PSME4: variants seen among roughly 807,000 people sequenced by gnomAD.
The protein encoded by PSME4 is proteasome activator complex subunit 4.
PSME4 carries 89 observed loss-of-function variants against 253.9 expected under a neutral mutation model. That is an observed-to-expected ratio of 0.35 (90% CI 0.30 to 0.42). The LOEUF (loss-of-function observed/expected upper bound fraction) is 0.42. Among genes scored for constraint, PSME4 ranks in the 10% least tolerant of loss-of-function variants. The pLI is 1.00. For missense variants in PSME4, 2,014 were observed against 2,195.2 expected (o/e 0.92, Z 1.65); for synonymous variants, 851 against 759.2 (o/e 1.12, Z -1.99).
intron 36 of PSME4, among the ~76,000 whole-genome samples, chr2:53,890,889 T>C (rs564347634): frequency 6.6e-6 from 1 of 152,202 alleles, no homozygotes; most frequent in Admixed American, 6.5e-5. Context: ...TAGCTGAGCG[T>C]AGTGGCACAT....
intron 14 of PSME4, among the ~76,000 whole-genome samples, chr2:53,923,913 CAAAAAAAAAAAAAAAAAA>C (rs199929436): frequency 0.33 from 32,422 of 98,116 alleles, 4,104 homozygotes; most frequent in South Asian, 0.39. Context: ...ACAGAGTTAA[CAAAAAAAAAAAAAAAAAA>C]AAAAAAAAAA....
At chr2:53,953,528 G>A (rs1670097412) in intron 1 of PSME4, among the ~76,000 whole-genome samples, 2 of 147,918 alleles carry the variant, frequency 1.4e-5, no homozygotes, top group African/African-American at 2.5e-5. Context: ...AACTATGCAG[G>A]GTAACTTTTA....
chr2:53,909,896 G>A (rs1667753414), intron 21 of PSME4, among the ~76,000 whole-genome samples, 179 bp downstream of exon 21: 1 of 152,118 alleles, frequency 6.6e-6, no homozygotes, highest in Non-Finnish European at 1.5e-5. Flanking sequence ...TGGGAGGCAG[G>A]GAGGCAGGGG....
At chr2:53,874,152 G>T (rs1293157044) in intron 43 of PSME4, among the ~76,000 whole-genome samples, 187 bp downstream of exon 43, 1 of 152,148 alleles carries the variant, frequency 6.6e-6, no homozygotes, top group African/African-American at 2.4e-5. Context: ...TGTAGAGACA[G>T]TCTTGCTACG....
chr2:53,960,609 CTG>C (rs1670446126), intron 1 of PSME4, among the ~76,000 whole-genome samples: 2 of 152,208 alleles, frequency 1.3e-5, no homozygotes, highest in Admixed American at 6.5e-5. Flanking sequence ...TTCTACAACT[CTG>C]TTAAGAACTC....
chr2:53,966,920 G>T (rs113972818), intron 1 of PSME4, among the ~76,000 whole-genome samples: 1 of 152,014 alleles, frequency 6.6e-6, no homozygotes, highest in Admixed American at 6.5e-5. Flanking sequence ...GGCTGGTCTC[G>T]AACTCCTGAC....
In PSME4 at chr2:53,866,142, C is replaced by A. The variant is rs749539500; in HGVS notation, c.5479G>T (p.Asp1827Tyr). 1.2e-6 allele frequency: 2 copies of A among 1,613,196 alleles called. No individual in the cohort carries two copies. Among genetic ancestry groups the A allele is most frequent in the East Asian group, 2.2e-5 (1 of 44,864 alleles). ...WQEHKQQFTD[D>Y]QLLVLTDLLV... ...AGATCGGTGAGAACAAGCAGTTGGT[C>A]ATCAGTGAATTGCTGTTTATGTTCC... Residue 1827 changes from aspartate (D) to tyrosine (Y), a missense_variant, in exon 46 of 47, where the codon GAC (aspartate) becomes TAC (tyrosine). Around this residue, in one of 4 missense-constraint regions of PSME4, gnomAD observed 403 missense variants for 556.1 expected, o/e 0.72. Transcript: ENST00000404125.
At chr2:53,963,009 CAAA>C (rs34743937) in intron 1 of PSME4, among the ~76,000 whole-genome samples, 10 of 94,898 alleles carry the variant, frequency 1.1e-4, no homozygotes, top group Admixed American at 1.2e-4. Flanking sequence ...GACTCAGTGT[CAAA>C]AAAAAAAAAA....
chr2:53,887,186 G>T (rs1573217166), intron 40 of PSME4, 73 bp downstream of exon 40: 1 of 1,331,398 alleles, frequency 7.5e-7, no homozygotes, highest in Non-Finnish European at 1.1e-6. Context: ...AATAAAAAAA[G>T]TGGTGCAAAA....
chr2:53,947,781 C>T (rs984165852), intron 3 of PSME4, among the ~76,000 whole-genome samples: 1 of 151,844 alleles, frequency 6.6e-6, no homozygotes, highest in African/African-American at 2.4e-5. Flanking sequence ...TTTGGGAGGC[C>T]AAGGCAGGCA....
At chr2:53,887,601 GTAA>G in intron 39 of PSME4, 134 bp from the exon 40 acceptor site, 1 of 927,934 alleles carries the variant, frequency 1.1e-6, no homozygotes, top group African/African-American at 1.7e-5. Flanking sequence ...ATGCCTGTGT[GTAA>G]AAGAAGCCTT....
chr2:53,965,874 A>G (rs1482166629), intron 1 of PSME4, among the ~76,000 whole-genome samples: 1 of 151,686 alleles, frequency 6.6e-6, no homozygotes, highest in African/African-American at 2.4e-5. Context: ...GGGTTTCACC[A>G]TGTTGGTGAG....
At chr2:53,906,019 T>G (rs1680642014) in intron 26 of PSME4, among the ~76,000 whole-genome samples, 1 of 152,170 alleles carries the variant, frequency 6.6e-6, no homozygotes, top group Non-Finnish European at 1.5e-5. Flanking sequence ...TCTGGAGTAT[T>G]TTGGGTTTCC....
At chr2:53,881,300 T>C (rs1558648707) in intron 41 of PSME4, among the ~76,000 whole-genome samples, 1 of 152,220 alleles carries the variant, frequency 6.6e-6, no homozygotes, top group African/African-American at 2.4e-5. Context: ...CTCTAAGTTT[T>C]ACATATGCGA....
At chr2:53,917,243 G>A (rs1668100793) in intron 20 of PSME4, 1 of 171,766 alleles carries the variant, frequency 5.8e-6, no homozygotes, top group Middle Eastern at 6.0e-4. Flanking sequence ...TCTGGGAAAA[G>A]CAGATAAAAG....
chr2:53,868,614 C>CAT (rs1428577322), intron 44 of PSME4, among the ~76,000 whole-genome samples: 3 of 130,344 alleles, frequency 2.3e-5, no homozygotes, highest in Non-Finnish European at 4.7e-5. Context: ...TATATACATA[C>CAT]ATATATATAT....
intron 20 of PSME4, among the ~76,000 whole-genome samples, chr2:53,917,509 G>A (rs1024937949): frequency 6.6e-6 from 1 of 152,044 alleles, no homozygotes; most frequent in Non-Finnish European, 1.5e-5. Context: ...AGGCTGATAC[G>A]AACTGCAAGG....
chr2:53,963,126 G>A (rs553022682), intron 1 of PSME4, among the ~76,000 whole-genome samples: 1 of 152,110 alleles, frequency 6.6e-6, no homozygotes, highest in South Asian at 2.1e-4. Context: ...AAGAGTTCAA[G>A]GCCAGCCTGA....
At chr2:53,938,481 T>A (rs1305056037) in intron 4 of PSME4, among the ~76,000 whole-genome samples, 2 of 151,946 alleles carry the variant, frequency 1.3e-5, no homozygotes, top group Non-Finnish European at 2.9e-5. Flanking sequence ...GGGCTTTTTT[T>A]TTTTTTTTTT....
Sources: gnomAD v4.1 joint callset for allele counts (sites outside exome capture counted in the v4.1 genomes callset) on GRCh38, gnomAD v4.1.1 for gene constraint, gnomAD v4.1.1 regional missense constraint, MANE v1.5 for transcripts, NCBI Gene and HGNC (gene_info 2026-07-23, HGNC 2026-07-21) for gene names.